BDH1: variants seen among roughly 807,000 people sequenced by gnomAD.
The protein encoded by BDH1 is 3-hydroxybutyrate dehydrogenase 1.
In BDH1, 30 loss-of-function variants were observed where a neutral mutation model predicts 33.1. The observed-to-expected ratio is 0.91, with a 90% CI of 0.68 to 1.23. The LOEUF is 1.23. Ranked by LOEUF, BDH1 falls within the 50% of genes most tolerant of loss-of-function variation. The probability of loss-of-function intolerance (pLI) is 0.00; values close to 1 mark genes in which losing one functional copy is unlikely to be tolerated. For synonymous variants in BDH1, 190 were observed against 183.6 expected, an observed-to-expected ratio of 1.03 and a Z score of -0.28; for missense variants, 443 against 464.4, an observed-to-expected ratio of 0.95 and a Z score of 0.42.
chr3:197,510,599 G>GGGTGTGT lies in BDH1; in HGVS notation c.*1295_*1296insACACACC, dbSNP rs1553865645. On this transcript the variant is annotated 3_prime_UTR_variant, in exon 8 of 8. Transcript: ENST00000392379. ...CCACGCTGAAGCCCTGCAGAACAGG[G>GGGTGTGT]GTGTGTGTGTGTGTGTGTGTGTGTG... 3 of 75,374 alleles carry GGGTGTGT rather than the reference G, an allele frequency of 4.0e-5. No homozygotes were observed. The East Asian group carries it at 2.4e-3, about 59-fold the overall frequency. 4.7% of individuals were successfully genotyped at this position (75,374 alleles called of 1,614,324 possible). A position where few individuals can be genotyped will look rare whatever the true frequency, so the allele number is the denominator to read the frequency against.
intron 2 of BDH1, among the ~76,000 whole-genome samples, chr3:197,553,578 A>G (rs1227815206): frequency 1.3e-5 from 2 of 151,684 alleles, no homozygotes; most frequent in Middle Eastern, 3.4e-3. Context: ...TGCCATTATC[A>G]GACTTACATT....
In BDH1 at chr3:197,526,181, A is replaced by G. The variant is rs952851021; in HGVS notation, c.268-3400T>C. On this transcript the variant is annotated intron_variant, in intron 5 of 7. Coordinates refer to ENST00000392379, the MANE Select transcript of BDH1 (RefSeq NM_203314.3). The surrounding 1 kb of genome is among the most constrained non-coding windows in gnomAD (Gnocchi z 4.7). ...AAGAGTCCTGTTCAGTCTCTTAAGC[A>G]AATAATTCCAGCCCAGCCTGGTTTG... Among the ~76,000 whole-genome samples the G allele has an allele frequency of 8.5e-5, 13 of 152,206 alleles. No homozygotes were observed. The highest frequency in any genetic ancestry group is 3.1e-4 in the African/African-American group (13 of 41,454).
chr3:197,510,436 G>A lies in BDH1; in HGVS notation c.*1459C>T, dbSNP rs897160321. 2 of 152,262 alleles carry A rather than the reference G, an allele frequency of 1.3e-5. No homozygotes were observed. The highest frequency in any genetic ancestry group is 2.4e-5 in the African/African-American group (1 of 41,452). The allele number at this position is 152,262 out of a possible 1,614,324, so 9.4% of individuals were successfully genotyped here. The stretch of plus-strand genomic sequence containing the variant: ...CTGGAGGACAGTGGTGTTTGGCTTC[G>A]GTCCCAACATACAGGCCCTGGGCAG... On this transcript the variant is annotated 3_prime_UTR_variant, in exon 8 of 8. Transcript: ENST00000392379.
In BDH1 at chr3:197,528,486, G is replaced by T. The variant is rs1714322400; in HGVS notation, c.267+3926C>A. ...TGAACAAGAGCAGAGAGAGTGTTTA[G>T]GTACAGATGTAGCCGGAATCCATCA... On this transcript the variant is annotated intron_variant, in intron 5 of 7. Transcript: ENST00000392379. The surrounding 1 kb of genome is among the most constrained non-coding windows in gnomAD (Gnocchi z 5.1). 6.6e-6 allele frequency: 1 copy of T among 152,178 alleles called. No homozygotes were observed. The allele number at this position is 152,178 out of a possible 1,614,324, so 9.4% of individuals were successfully genotyped here.
intron 3 of BDH1, among the ~76,000 whole-genome samples, chr3:197,543,450 G>A (rs546143264): frequency 6.6e-6 from 1 of 152,368 alleles, no homozygotes; most frequent in East Asian, 1.9e-4. Flanking sequence ...TCACAGCCCA[G>A]GAGGCAGGGT....
intron 3 of BDH1, chr3:197,543,329 G>A (rs1015421992): frequency 7.2e-5 from 23 of 320,086 alleles, no homozygotes; most frequent in Admixed American, 6.5e-5. Context: ...AGGCTGGACA[G>A]GAAAGAAACT....
At chr3:197,546,340 C>T in intron 3 of BDH1, 21 bp downstream of exon 3, 1 of 1,613,596 alleles carries the variant, frequency 6.2e-7, no homozygotes, top group Non-Finnish European at 8.5e-7. Context: ...CTCAAGGCCA[C>T]CACCACCTCT....
chr3:197,529,778 A>C lies in BDH1; in HGVS notation c.267+2634T>G, dbSNP rs138107795. 3.3e-5 allele frequency: 5 copies of C among 152,312 alleles called. No homozygotes were observed. In the East Asian group the frequency reaches 9.6e-4, roughly 29 times the overall value. 9.4% of individuals were successfully genotyped at this position (152,312 alleles called of 1,614,324 possible). A position where few individuals can be genotyped will look rare whatever the true frequency, so the allele number is the denominator to read the frequency against. The stretch of plus-strand genomic sequence containing the variant: ...TTCTTTTACTTGTTTATATTATTGA[A>C]ATTTTACGTTGGGTATCAAATATTA... On this transcript the variant is annotated intron_variant, in intron 5 of 7. Transcript: ENST00000392379.
At position 197,522,633 on chromosome 3, in the gene BDH1, G is replaced by T; in HGVS notation, c.409+7C>A. On this transcript the variant is annotated splice_region_variant and intron_variant, in intron 6 of 7. Transcript: ENST00000392379. The surrounding 1 kb of genome is among the most constrained non-coding windows in gnomAD (Gnocchi z 4.8). Reference sequence around the variant, plus strand: ...CACAACCCCTGCCGTCCGAAGGGGCGCCCTACCTTTCTCAGGGTCCTTCAG... The same window carrying T: ...CACAACCCCTGCCGTCCGAAGGGGCTCCCTACCTTTCTCAGGGTCCTTCAG... 1 of 1,613,988 alleles carries T rather than the reference G, an allele frequency of 6.2e-7. No individual in the cohort carries two copies. The highest frequency in any genetic ancestry group is 1.6e-4 in the Middle Eastern group (1 of 6,062).
chr3:197,564,269 C>T (rs1717360282), intron 1 of BDH1, among the ~76,000 whole-genome samples: 1 of 151,432 alleles, frequency 6.6e-6, no homozygotes, highest in African/African-American at 2.4e-5. Flanking sequence ...ACCAGAAAGT[C>T]CAAGCATGTC....
chr3:197,558,556 T>C (rs1268540390), upstream of BDH1, among the ~76,000 whole-genome samples: 1 of 152,214 alleles, frequency 6.6e-6, no homozygotes, highest in African/African-American at 2.4e-5. Flanking sequence ...TCCAATTCCT[T>C]GGGATTTTGT....
rs983635876 is a variant in BDH1 at position 197,554,054 on chromosome 3, CTCAT to C, written c.-44+504_-44+507del. 3.3e-5 allele frequency among the ~76,000 whole-genome samples: 5 copies of C among 152,228 alleles called. No individual in the cohort carries two copies. The highest frequency in any genetic ancestry group is 7.3e-5 in the Non-Finnish European group (5 of 68,042). ...TCTCCAACTATACTTTTCTCCTCTA[CTCAT>C]TCAACCGTTTGCTACACCATCCCTC... On this transcript the variant is annotated intron_variant, in intron 2 of 7. Coordinates refer to ENST00000392379, the MANE Select transcript of BDH1 (RefSeq NM_203314.3). The surrounding 1 kb of genome is among the most constrained non-coding windows in gnomAD (Gnocchi z 4.4).
At chr3:197,527,766 T>C (rs1714243937) in intron 5 of BDH1, among the ~76,000 whole-genome samples, 1 of 151,782 alleles carries the variant, frequency 6.6e-6, no homozygotes, top group South Asian at 2.1e-4. Context: ...CCGCACCTCC[T>C]TGGTTTCTGT....
At chr3:197,534,908 G>A (rs1396933163) in intron 3 of BDH1, among the ~76,000 whole-genome samples, 1 of 152,168 alleles carries the variant, frequency 6.6e-6, no homozygotes, top group African/African-American at 2.4e-5. Context: ...ATCATAGACC[G>A]GGTGGCTTAC....
rs189680322 is a variant in BDH1 at position 197,525,587 on chromosome 3, G to A, written c.268-2806C>T. ...GCTTCAGGCTCCCGAGGAGAGCAAC[G>A]CTACCCTCCTATCTTCACTGACAGA... On this transcript the variant is annotated intron_variant, in intron 5 of 7. Transcript: ENST00000392379. The surrounding 1 kb of genome is among the most constrained non-coding windows in gnomAD (Gnocchi z 4.9). Among the ~76,000 whole-genome samples the A allele has an allele frequency of 3.9e-5, 6 of 152,294 alleles. No homozygotes were observed. The highest frequency in any genetic ancestry group is 2.6e-4 in the Admixed American group (4 of 15,300).
In BDH1 at chr3:197,554,338, G is replaced by A. The variant is rs1463186514; in HGVS notation, c.-44+224C>T. 1.3e-5 allele frequency: 2 copies of A among 152,248 alleles called. No homozygotes were observed. Among genetic ancestry groups the A allele is most frequent in the East Asian group, 3.8e-4 (2 of 5,200 alleles). The allele number at this position is 152,248 out of a possible 1,614,324, so 9.4% of individuals were successfully genotyped here. A position where few individuals can be genotyped will look rare whatever the true frequency, so the allele number is the denominator to read the frequency against. On this transcript the variant is annotated intron_variant, in intron 2 of 7. Transcript: ENST00000392379. This position sits in a 1 kb window ranked among gnomAD's most constrained non-coding sequence, Gnocchi z 4.4. ...CCTACCACCAATCCCCACCCGGACT[G>A]TGAGCACCCTACAGACAAGACCCAA...
chr3:197,567,627 G>T (rs747603678), intron 1 of BDH1, among the ~76,000 whole-genome samples: 1 of 152,122 alleles, frequency 6.6e-6, no homozygotes, highest in Non-Finnish European at 1.5e-5. Context: ...CGTCAGGACC[G>T]CTTGAGGCAG....
At chr3:197,513,173 TG>T (rs1712265090) in intron 7 of BDH1, among the ~76,000 whole-genome samples, 2 of 152,324 alleles carry the variant, frequency 1.3e-5, no homozygotes, top group South Asian at 4.1e-4. Context: ...AGGCCCAGCC[TG>T]GGGGCATCAG....
chr3:197,553,129 G>C (rs898861958), intron 2 of BDH1, among the ~76,000 whole-genome samples: 3 of 151,760 alleles, frequency 2.0e-5, no homozygotes, highest in African/African-American at 7.3e-5. Context: ...TGTTGGCCCG[G>C]CTGGTCTCAA....
Sources: allele counts gnomAD v4.1 joint callset (sites outside exome capture counted in the v4.1 genomes callset), GRCh38; gene constraint gnomAD v4.1.1; non-coding constraint Gnocchi (gnomAD v3.1); transcripts MANE v1.5; gene names NCBI Gene and HGNC (gene_info 2026-07-23, HGNC 2026-07-21).